The following MAGEA8 variants were observed in gnomAD, a reference collection of about 807,000 sequenced individuals.
MAGEA8 encodes the protein MAGE family member A8, also known as melanoma-associated antigen 8.
For missense variants in MAGEA8, 229 were observed against 251.1 expected (o/e 0.91, Z 0.59); for synonymous variants, 104 against 102.6 (o/e 1.01, Z -0.08).
Position 149,884,404 on chromosome X carries a change from T to C in MAGEA8, c.132T>C (p.Thr44=). The C allele has an allele frequency of 8.3e-7, 1 of 1,210,696 alleles. No homozygotes were observed. The highest frequency in any genetic ancestry group is 1.1e-6 in the Non-Finnish European group (1 of 894,687). ...EEQKAASSSS[T]LIMGTLEEVT... is the part of the protein sequence containing the mutation. ...AGAAGGCTGCATCCTCCTCCTCTAC[T>C]CTGATCATGGGAACCCTTGAGGAGG... Residue 44 remains threonine, a synonymous_variant, in exon 3 of 3, where the codon ACT becomes ACC. Coordinates refer to ENST00000286482, the MANE Select transcript of MAGEA8 (RefSeq NM_005364.5).
At chrX:149,881,506 C>A (rs1448334476) in intron 1 of MAGEA8, among the ~76,000 whole-genome samples, 1 of 110,995 alleles carries the variant, frequency 9.0e-6, no homozygotes, top group Non-Finnish European at 1.9e-5. Context: ...CCAGGTTCTG[C>A]CAGGCATCAA....
rs782111183 is a variant in MAGEA8, at chrX:149,885,204, C to T, written c.932C>T (p.Ala311Val). 8.4e-7 allele frequency: 1 copy of T among 1,194,727 alleles called. No individual in the cohort carries two copies. Among genetic ancestry groups the T allele is most frequent in the East Asian group, 3.0e-5 (1 of 33,772 alleles). The change falls in exon 3 of 3, where the codon GCT becomes GTT. Residue 311 changes from alanine to valine, a missense_variant. Transcript: ENST00000286482. The part of the protein sequence containing the change: ...RISYPSLHEE[A>V]LGEEKGV ...TCCTACCCATCCCTGCATGAAGAGGCTTTGGGAGAGGAGAAAGGAGTTTGA... is the reference window on the plus strand; with the variant it reads ...TCCTACCCATCCCTGCATGAAGAGGTTTTGGGAGAGGAGAAAGGAGTTTGA...
At chrX:149,883,332 T>C (rs1260075258) in intron 1 of MAGEA8, 1 of 110,788 alleles carries the variant, frequency 9.0e-6, no homozygotes, top group East Asian at 2.9e-4. Context: ...CTGTCAGCCA[T>C]GGGAAGTGCA....
chrX:149,884,014 G>A (rs1335329219), intron 1 of MAGEA8, 59 bp from the exon 2 acceptor site: 4 of 358,649 alleles, frequency 1.1e-5, no homozygotes, highest in Non-Finnish European at 1.9e-5. Flanking sequence ...GTCAGTCCTG[G>A]AGCCTTGGCC....
At position 149,884,668 on chromosome X, in the gene MAGEA8, G is replaced by A. The variant is rs782542389; in HGVS notation, c.396G>A (p.Pro132=). The A allele has an allele frequency of 1.1e-4, 136 of 1,210,066 alleles. No individual in the cohort carries two copies. Among genetic ancestry groups the A allele is most frequent in the Non-Finnish European group, 1.4e-4 (123 of 895,015 alleles). Residue 132 remains proline (P), a synonymous_variant, in exon 3 of 3, where the codon CCG becomes CCA. Transcript: ENST00000286482. ...TCCGCAAATATCAAATTAAGGAGCC[G>A]GTCACAAAGGCAGAAATGCTTGAGA... ...FLLRKYQIKE[P]VTKAEMLESV...
At chrX:149,881,332 G>A (rs1557370470) in intron 1 of MAGEA8, 47 bp downstream of exon 1, 1 of 111,095 alleles carries the variant, frequency 9.0e-6, no homozygotes, top group African/African-American at 3.3e-5. Flanking sequence ...CCTCATATAG[G>A]ACCCAAAATA....
At position 149,884,499 on chromosome X, in the gene MAGEA8, A is replaced by G; in HGVS notation, c.227A>G (p.Asp76Gly). The G allele has an allele frequency of 8.3e-7, 1 of 1,211,530 alleles. No individual in the cohort carries two copies. ...GCCTCCTCTTCCCTGACTGTCACCG[A>G]CAGCACTCTGTGGAGCCAATCCGAT... The part of the protein sequence containing the change: ...EGASSSLTVT[D>G]STLWSQSDEG... Residue 76 changes from aspartate (D) to glycine (G), a missense_variant, in exon 3 of 3, where the codon GAC (aspartate) becomes GGC (glycine). Physicochemically the swap from Asp to Gly is moderately conservative, Grantham distance 94 (BLOSUM62 -1). Transcript: ENST00000286482.
chrX:149,885,130 T>C lies in MAGEA8; in HGVS notation c.858T>C (p.Tyr286=). The change falls in exon 3 of 3, where the codon TAT becomes TAC. Residue 286 remains tyrosine, a synonymous_variant. Transcript: ENST00000286482. ...WGPRALAETS[Y]VKVLEHVVRV... is the part of the protein sequence containing the mutation. ...CAAGGGCCCTTGCTGAAACCAGCTA[T>C]GTGAAAGTCCTGGAGCATGTGGTCA... 4.1e-6 allele frequency: 5 copies of C among 1,211,629 alleles called. No homozygotes were observed. The highest frequency in any genetic ancestry group is 1.8e-5 in the South Asian group (1 of 56,978).
rs376628648 is a variant in MAGEA8, at chrX:149,884,570, G to A, written c.298G>A (p.Asp100Asn). The change falls in exon 3 of 3, where the codon GAC becomes AAC. Residue 100 changes from aspartate (D) to asparagine (N), a missense_variant. Coordinates refer to ENST00000286482, the MANE Select transcript of MAGEA8 (RefSeq NM_005364.5). Reference sequence around the variant, plus strand: ...AGAGGAGGGGCCAAGCACCTCCCCGGACCCAGCTCACCTGGAGTCCCTGTT... The same window carrying A: ...AGAGGAGGGGCCAAGCACCTCCCCGAACCCAGCTCACCTGGAGTCCCTGTT... ...NEEEGPSTSPDPAHLESLFRE... is the reference protein window; with the variant it reads ...NEEEGPSTSPNPAHLESLFRE... 18 of 1,209,733 alleles carry A rather than the reference G, an allele frequency of 1.5e-5. No homozygotes were observed. Among genetic ancestry groups the A allele is most frequent in the Middle Eastern group, 4.6e-4 (2 of 4,367 alleles).
rs181004749 is a variant in MAGEA8 at position 149,882,771 on chromosome X, C to T, written c.-125-1302C>T. On this transcript the variant is annotated intron_variant, in intron 1 of 2. Coordinates refer to ENST00000286482, the MANE Select transcript of MAGEA8 (RefSeq NM_005364.5). ...CAGGGTGTTGTGGGTTGAGGAAGGG[C>T]GGGCTCCATCAGGGGAAAGATGAAT... Among the ~76,000 whole-genome samples, 25 of 110,237 alleles carry T rather than the reference C, an allele frequency of 2.3e-4. No homozygotes were observed. In the East Asian group the frequency reaches 6.9e-3, roughly 30 times the overall value.
Position 149,884,820 on chromosome X carries a change from C to A in MAGEA8, c.548C>A (p.Thr183Asn), listed in dbSNP as rs1557370985. Residue 183 changes from threonine to asparagine, a missense_variant, in exon 3 of 3, where the codon ACC becomes AAC. Thr to Asn is a moderately conservative substitution (Grantham distance 65). Transcript: ENST00000286482. ...DPAGHSYILV[T>N]CLGLSYDGLL... The stretch of plus-strand genomic sequence containing the variant: ...GCCGGCCACTCCTACATCCTTGTCA[C>A]CTGCCTGGGCCTCTCCTATGATGGC... 3.3e-6 allele frequency: 4 copies of A among 1,211,144 alleles called. No individual in the cohort carries two copies. The highest frequency in any genetic ancestry group is 2.2e-5 in the Admixed American group (1 of 46,027).
intron 1 of MAGEA8, chrX:149,883,238 G>A (rs936148250): frequency 9.0e-6 from 1 of 111,559 alleles, no homozygotes; most frequent in African/African-American, 3.3e-5. Context: ...TCAGCAGAGC[G>A]GGGGTCCAAG....
At chrX:149,881,668 C>T (rs1309605926) in intron 1 of MAGEA8, among the ~76,000 whole-genome samples, 1 of 103,612 alleles carries the variant, frequency 9.7e-6, no homozygotes, top group African/African-American at 3.5e-5. Context: ...GCATGGCGGC[C>T]GGGCTCGCTG....
intron 1 of MAGEA8, among the ~76,000 whole-genome samples, chrX:149,881,695 C>G (rs1298668338): frequency 9.8e-6 from 1 of 102,555 alleles, no homozygotes; most frequent in Non-Finnish European, 2.0e-5. Flanking sequence ...ACGTCCGCAT[C>G]CGGGGCTGAT....
In MAGEA8 at chrX:149,885,772, C is replaced by G. The variant is rs1557371141; in HGVS notation, c.*543C>G. The G allele has an allele frequency of 7.7e-6, 1 of 129,430 alleles. No individual in the cohort carries two copies. Among genetic ancestry groups the G allele is most frequent in the East Asian group, 2.6e-4 (1 of 3,809 alleles). The allele number at this position is 129,430 out of a possible 1,213,427, so 10.7% of individuals were successfully genotyped here. Reference sequence around the variant, plus strand: ...GTACCTCTTAGTGTACCCTATGTACCTGAATTTGCTTGGCTTCTTTGAGAA... The same window carrying G: ...GTACCTCTTAGTGTACCCTATGTACGTGAATTTGCTTGGCTTCTTTGAGAA... On this transcript the variant is annotated 3_prime_UTR_variant, in exon 3 of 3. Coordinates refer to ENST00000286482, the MANE Select transcript of MAGEA8 (RefSeq NM_005364.5).
Position 149,884,192 on chromosome X carries a change from C to G in MAGEA8, c.-63-18C>G. The G allele has an allele frequency of 1.0e-5, 8 of 780,553 alleles. No homozygotes were observed. The South Asian group carries it at 2.0e-4, about 19-fold the overall frequency. 64.3% of individuals were successfully genotyped at this position (780,553 alleles called of 1,213,427 possible). A position where few individuals can be genotyped will look rare whatever the true frequency, so the allele number is the denominator to read the frequency against. ...TAGTACCCAGCTGAGGCCTCTCACA[C>G]GCTTCCTCTCTCCCCAGGCCTGTGG... On this transcript the variant is annotated intron_variant, in intron 2 of 2. Coordinates refer to ENST00000286482, the MANE Select transcript of MAGEA8 (RefSeq NM_005364.5).
In MAGEA8 at chrX:149,881,894, G is replaced by T. The variant is rs781826108; in HGVS notation, c.-126+609G>T. On this transcript the variant is annotated intron_variant, in intron 1 of 2. Coordinates refer to ENST00000286482, the MANE Select transcript of MAGEA8 (RefSeq NM_005364.5). ...GGGACTGAAACTCAAGTCAGCAGGG[G>T]GGTGGTGAACAGCCCTGCCAGGAGT... Among the ~76,000 whole-genome samples the T allele has an allele frequency of 1.0e-4, 11 of 110,039 alleles. No homozygotes were observed. The South Asian group carries it at 4.0e-3, about 40-fold the overall frequency.
At position 149,885,062 on chromosome X, in the gene MAGEA8, G is replaced by C. The variant is rs1557371036; in HGVS notation, c.790G>C (p.Ala264Pro). ...VQENYLEYRQ[A>P]PGSDPVRYEF... ...GGAGAACTACCTGGAGTACCGCCAG[G>C]CGCCCGGCAGTGATCCTGTGCGCTA... Residue 264 changes from alanine to proline, a missense_variant, in exon 3 of 3, where the codon GCG becomes CCG. Coordinates refer to ENST00000286482, the MANE Select transcript of MAGEA8 (RefSeq NM_005364.5). 8.3e-7 allele frequency: 1 copy of C among 1,210,967 alleles called. No homozygotes were observed. Among genetic ancestry groups the C allele is most frequent in the Admixed American group, 2.2e-5 (1 of 46,061 alleles).
intron 1 of MAGEA8, among the ~76,000 whole-genome samples, 165 bp downstream of exon 1, chrX:149,881,450 A>G (rs1348573013): frequency 8.9e-6 from 1 of 111,821 alleles, no homozygotes; most frequent in South Asian, 3.7e-4. Flanking sequence ...ATCTGGAGTG[A>G]GAGCTTGGTG....
Sources: gnomAD v4.1 joint callset for allele counts (sites outside exome capture counted in the v4.1 genomes callset) on GRCh38, gnomAD v4.1.1 for gene constraint, MANE v1.5 for transcripts, NCBI Gene and HGNC (gene_info 2026-07-23, HGNC 2026-07-21) for gene names.